WIPF1: variants seen among roughly 807,000 people sequenced by gnomAD.
The protein encoded by WIPF1 is WAS/WASL-interacting protein family member 1.
Under a neutral mutation model 35.4 loss-of-function variants are expected in WIPF1, and 13 were observed. That is an observed-to-expected ratio of 0.37 (90% confidence interval 0.24 to 0.58). WIPF1 has a LOEUF of 0.58. Among genes scored for constraint, WIPF1 ranks in the 20% least tolerant of loss-of-function variants. The pLI, the probability that WIPF1 is intolerant of heterozygous loss-of-function variation, is 0.74. For synonymous variants in WIPF1, 267 were observed against 266.3 expected (o/e 1.00, Z -0.02); for missense variants, 591 against 667.0 (o/e 0.89, Z 1.25).
chr2:174,681,744 T>G (rs1226369299), intron 1 of WIPF1, among the ~76,000 whole-genome samples: 1 of 151,888 alleles, frequency 6.6e-6, no homozygotes, highest in Non-Finnish European at 1.5e-5. Context: ...CGCTTTTCAG[T>G]AAAAGGGACC....
chr2:174,592,841 C>A (rs951251770), intron 1 of WIPF1, among the ~76,000 whole-genome samples: 2 of 151,852 alleles, frequency 1.3e-5, no homozygotes, highest in African/African-American at 4.8e-5. Context: ...CCTGACCTCA[C>A]GTGATCCACC....
At chr2:174,647,961 G>A (rs564989095) in intron 1 of WIPF1, among the ~76,000 whole-genome samples, 32 of 152,292 alleles carry the variant, frequency 2.1e-4, no homozygotes, top group Admixed American at 9.8e-4. Flanking sequence ...GGCAGAATCC[G>A]GACCATGTGG....
At chr2:174,618,949 T>TACAC (rs371905370) in intron 1 of WIPF1, among the ~76,000 whole-genome samples, 3 of 151,132 alleles carry the variant, frequency 2.0e-5, no homozygotes, top group Non-Finnish European at 4.4e-5. Flanking sequence ...AACTGACACA[T>TACAC]ACACACACAC....
chr2:174,570,243 G>A (rs953018169), intron 5 of WIPF1, among the ~76,000 whole-genome samples: 3 of 151,962 alleles, frequency 2.0e-5, no homozygotes, highest in South Asian at 2.1e-4. Flanking sequence ...ATGAGATACT[G>A]TTAAATAAAA....
In WIPF1 at chr2:174,559,908, A is replaced by C. The variant is rs1684440933; in HGVS notation, c.*2639T>G. ...ACTACTTAGACATAAAAAAAAGTTGATTTCTTTTAAATCACAAAGTAAGGC... is the reference window on the plus strand; with the variant it reads ...ACTACTTAGACATAAAAAAAAGTTGCTTTCTTTTAAATCACAAAGTAAGGC... On this transcript the variant is annotated 3_prime_UTR_variant, in exon 8 of 8. Transcript: ENST00000679041. 1 of 152,614 alleles carries C rather than the reference A, an allele frequency of 6.6e-6. No individual in the cohort carries two copies. Among genetic ancestry groups the C allele is most frequent in the South Asian group, 2.1e-4 (1 of 4,832 alleles). The allele number at this position is 152,614 out of a possible 1,614,324, so 9.5% of individuals were successfully genotyped here.
intron 3 of WIPF1, among the ~76,000 whole-genome samples, chr2:174,577,184 G>A (rs931867863): frequency 6.6e-6 from 1 of 152,132 alleles, no homozygotes; most frequent in Non-Finnish European, 1.5e-5. Flanking sequence ...CCAGGAAATT[G>A]TATTTAATAT....
At chr2:174,679,772 A>G (rs931535666) in intron 1 of WIPF1, among the ~76,000 whole-genome samples, 8 of 152,238 alleles carry the variant, frequency 5.3e-5, no homozygotes, top group Non-Finnish European at 8.8e-5. Context: ...ATTACTCAAA[A>G]CTATACAAGG....
chr2:174,572,227 G>C lies in WIPF1; in HGVS notation c.578C>G (p.Pro193Arg), dbSNP rs1306356798. The C allele has an allele frequency of 6.2e-7, 1 of 1,614,082 alleles. No individual in the cohort carries two copies. Among genetic ancestry groups the C allele is most frequent in the African/African-American group, 1.3e-5 (1 of 74,930 alleles). Residue 193 changes from proline to arginine, a missense_variant, in exon 5 of 8, where the codon CCC (proline) becomes CGC (arginine). This residue lies in a region of WIPF1 where 471 missense variants were observed against 501.1 expected (regional missense o/e 0.94). Coordinates refer to ENST00000679041, the MANE Select transcript of WIPF1 (RefSeq NM_001375834.1). The stretch of plus-strand genomic sequence containing the variant: ...CCGGTTGTGCGGACTTGATTGAATG[G>C]GTCTTGGAGTACTAGGTACTGGAGG... ...IPPPVPSTPR[P>R]IQSSPHNRGS...
At chr2:174,611,052 C>T (rs900178476) in intron 1 of WIPF1, among the ~76,000 whole-genome samples, 2 of 152,204 alleles carry the variant, frequency 1.3e-5, no homozygotes, top group Non-Finnish European at 2.9e-5. Context: ...GCACAGCAGC[C>T]ATTCAACAAA....
At chr2:174,574,872 G>A (rs559270669) in intron 4 of WIPF1, 94 of 717,076 alleles carry the variant, frequency 1.3e-4, no homozygotes, top group Non-Finnish European at 2.2e-4. Context: ...AATCTGTCAG[G>A]TCACCAGGCA....
chr2:174,618,544 T>C (rs1428373432), intron 1 of WIPF1, among the ~76,000 whole-genome samples: 1 of 152,200 alleles, frequency 6.6e-6, no homozygotes, highest in Non-Finnish European at 1.5e-5. Context: ...CTAACAGTAA[T>C]AACAACAGTA....
rs565547920 is a variant in WIPF1, at chr2:174,650,388, G to A, written c.-39+32386C>T. On this transcript the variant is annotated intron_variant, in intron 1 of 8. Coordinates refer to the WIPF1 transcript ENST00000272746. ...GTTTTATAAATGATCAGTTCACTCT[G>A]TGTACACACAACATGTAAGAGCTTC... Among the ~76,000 whole-genome samples the A allele has an allele frequency of 3.4e-4, 52 of 152,306 alleles. 1 individual carries two copies. Among genetic ancestry groups the A allele is most frequent in the Admixed American group, 3.1e-3 (48 of 15,300 alleles).
chr2:174,681,357 C>T (rs1688241997), intron 1 of WIPF1, among the ~76,000 whole-genome samples: 1 of 152,094 alleles, frequency 6.6e-6, no homozygotes. Flanking sequence ...CACACACAGT[C>T]ACAGTAGAAG....
chr2:174,574,607 GCATTC>G (rs1164892947), intron 4 of WIPF1: 1 of 382,086 alleles, frequency 2.6e-6, no homozygotes, highest in Non-Finnish European at 4.7e-6. Flanking sequence ...TTTTATCTAG[GCATTC>G]ATGAGCAAGT....
At chr2:174,602,298 C>T (rs1435364545), upstream of WIPF1, among the ~76,000 whole-genome samples, 1 of 152,226 alleles carries the variant, frequency 6.6e-6, no homozygotes, top group Admixed American at 6.5e-5. Context: ...TGAAGAATCA[C>T]AGCCTCCTGC....
At chr2:174,608,728 G>C (rs1461767412) in intron 1 of WIPF1, among the ~76,000 whole-genome samples, 1 of 152,190 alleles carries the variant, frequency 6.6e-6, no homozygotes. Flanking sequence ...CTGGCATGAA[G>C]ATAGCTGTGT....
intron 1 of WIPF1, among the ~76,000 whole-genome samples, chr2:174,595,066 CAT>C (rs1001402239): frequency 9.7e-6 from 1 of 102,938 alleles, no homozygotes; most frequent in African/African-American, 4.0e-5. Context: ...CCTGGGCAAA[CAT>C]AGTGGGACCC....
At chr2:174,651,144 G>C (rs1055857710) in intron 1 of WIPF1, among the ~76,000 whole-genome samples, 2 of 152,148 alleles carry the variant, frequency 1.3e-5, no homozygotes, top group Non-Finnish European at 2.9e-5. Context: ...ATTCCAAGTG[G>C]AAGTACTAAG....
intron 1 of WIPF1, among the ~76,000 whole-genome samples, chr2:174,596,222 C>T (rs907545056): frequency 1.3e-5 from 2 of 151,982 alleles, no homozygotes; most frequent in African/African-American, 4.8e-5. Flanking sequence ...AGCAAATAGC[C>T]CATGAATAAA....
Sources: gnomAD v4.1 joint callset for allele counts (sites outside exome capture counted in the v4.1 genomes callset) on GRCh38, gnomAD v4.1.1 for gene constraint, gnomAD v4.1.1 regional missense constraint, MANE v1.5 for transcripts, NCBI Gene and HGNC (gene_info 2026-07-23, HGNC 2026-07-21) for gene names.